Variants in MAN1C1 observed in about 807,000 individuals in gnomAD.
The protein encoded by MAN1C1 is mannosyl-oligosaccharide 1,2-alpha-mannosidase IC.
In MAN1C1, 49 loss-of-function variants were observed where a neutral mutation model predicts 71.5. That is an observed-to-expected ratio of 0.69 (90% confidence interval 0.54 to 0.87). The LOEUF (loss-of-function observed/expected upper bound fraction) is 0.87, where lower values mean the gene tolerates loss of function less well. Among genes scored for constraint, MAN1C1 ranks in the 40% least tolerant of loss-of-function variants. MAN1C1 has a pLI of 0.00. For synonymous variants in MAN1C1, 352 were observed against 343.7 expected (o/e 1.02, Z -0.27); for missense variants, 743 against 835.0 (o/e 0.89, Z 1.36).
rs1246843952 is a variant in MAN1C1 at position 25,778,856 on chromosome 1, C to CCACCACT, written c.1477+540_1477+546dup. 6.6e-6 allele frequency among the ~76,000 whole-genome samples: 1 copy of CCACCACT among 152,182 alleles called. No homozygotes were observed. Among genetic ancestry groups the CCACCACT allele is most frequent in the Non-Finnish European group, 1.5e-5 (1 of 68,038 alleles). The stretch of plus-strand genomic sequence containing the variant: ...AGCCTGAGAGCTTGGTCCTCCCCAC[C>CCACCACT]CACCACTCACCACTGAATTGTCCGA... On this transcript the variant is annotated intron_variant, in intron 9 of 11. Transcript: ENST00000374332. This position sits in a 1 kb window ranked among gnomAD's most constrained non-coding sequence, Gnocchi z 5.5.
rs1342226135 is a variant in MAN1C1 at position 25,753,326 on chromosome 1, G to A, written c.835-158G>A. Among the ~76,000 whole-genome samples, 3 of 152,176 alleles carry A rather than the reference G, an allele frequency of 2.0e-5. No individual in the cohort carries two copies. Among genetic ancestry groups the A allele is most frequent in the South Asian group, 2.1e-4 (1 of 4,826 alleles). ...TCAGAAGTACCTTGCCAAAGTCCAC[G>A]TGGCCAGCAGTTGGAAGAACCGGGC... On this transcript the variant is annotated intron_variant, in intron 4 of 11. Transcript: ENST00000374332. The surrounding 1 kb of genome is among the most constrained non-coding windows in gnomAD (Gnocchi z 4.9).
intron 7 of MAN1C1, among the ~76,000 whole-genome samples, chr1:25,768,785 A>T: frequency 9.9e-6 from 1 of 100,660 alleles, no homozygotes; most frequent in South Asian, 3.5e-4. Flanking sequence ...CCTCACACAT[A>T]CACACATTAC....
chr1:25,644,967 G>C (rs12144097), intron 1 of MAN1C1: 4,154 of 152,266 alleles, frequency 0.027, 88 homozygotes, highest in Non-Finnish European at 0.039. Context: ...CCAGAGGTTG[G>C]GGGAGAAGGT....
At chr1:25,745,597 C>G (rs1572190099) in intron 2 of MAN1C1, among the ~76,000 whole-genome samples, 1 of 152,202 alleles carries the variant, frequency 6.6e-6, no homozygotes, top group East Asian at 1.9e-4. Flanking sequence ...AGGTCGACCT[C>G]ACCTGCGTGG....
At chr1:25,636,251 G>T (rs930783373) in intron 1 of MAN1C1, among the ~76,000 whole-genome samples, 5 of 152,106 alleles carry the variant, frequency 3.3e-5, no homozygotes, top group Non-Finnish European at 7.4e-5. Flanking sequence ...GCAGAGAACC[G>T]GTCTGACCAC....
intron 1 of MAN1C1, among the ~76,000 whole-genome samples, chr1:25,626,459 C>T (rs550091281): frequency 5.3e-5 from 8 of 151,802 alleles, no homozygotes; most frequent in Admixed American, 3.9e-4. Context: ...CCTGGGTTCA[C>T]GCCATTCTCC....
At chr1:25,742,100 C>A (rs1282665685) in intron 2 of MAN1C1, among the ~76,000 whole-genome samples, 2 of 152,188 alleles carry the variant, frequency 1.3e-5, no homozygotes, top group Non-Finnish European at 2.9e-5. Flanking sequence ...CTAGTGGAAC[C>A]AGTTCAGGCT....
At chr1:25,693,064 T>C (rs771270521) in intron 2 of MAN1C1, among the ~76,000 whole-genome samples, 19 of 152,194 alleles carry the variant, frequency 1.2e-4, no homozygotes, top group African/African-American at 3.6e-4. Context: ...CTTAACTGCT[T>C]ATTAGCCTAC....
intron 2 of MAN1C1, among the ~76,000 whole-genome samples, chr1:25,706,111 C>T (rs2046517943): frequency 6.6e-6 from 1 of 152,120 alleles, no homozygotes; most frequent in Non-Finnish European, 1.5e-5. Context: ...CTCTCTGACC[C>T]CAGAAGCTTC....
rs1572096108 is a variant in MAN1C1 at position 25,617,586 on chromosome 1, A to T, written c.-212A>T. ...CGCTCCGCTCGCCCGGGCCCCGCCG[A>T]GGCCGCTGCGCCCCCGCCTCCTCGC... On this transcript the variant is annotated 5_prime_UTR_variant, in exon 1 of 12. Coordinates refer to ENST00000374332, the MANE Select transcript of MAN1C1 (RefSeq NM_020379.4). The surrounding 1 kb of genome is among the most constrained non-coding windows in gnomAD (Gnocchi z 5.1). 4 of 438,576 alleles carry T rather than the reference A, an allele frequency of 9.1e-6. No individual in the cohort carries two copies. The East Asian group carries it at 1.3e-4, about 14-fold the overall frequency. The allele number at this position is 438,576 out of a possible 1,614,324, so 27.2% of individuals were successfully genotyped here.
chr1:25,744,276 T>C (rs2047098979), intron 2 of MAN1C1, among the ~76,000 whole-genome samples: 1 of 152,154 alleles, frequency 6.6e-6, no homozygotes, highest in South Asian at 2.1e-4. Flanking sequence ...GGCCAGGAAC[T>C]CTGTTCAGCC....
At chr1:25,637,827 C>T (rs1181430648) in intron 1 of MAN1C1, among the ~76,000 whole-genome samples, 1 of 151,952 alleles carries the variant, frequency 6.6e-6, no homozygotes, top group Non-Finnish European at 1.5e-5. Flanking sequence ...TCTTTGTTTG[C>T]AGTATATTTT....
At position 25,784,189 on chromosome 1, in the gene MAN1C1, A is replaced by C; in HGVS notation, c.*400A>C. On this transcript the variant is annotated 3_prime_UTR_variant, in exon 12 of 12. Coordinates refer to ENST00000374332, the MANE Select transcript of MAN1C1 (RefSeq NM_020379.4). ...TCACAATTACACATATAGTTTTCAA[A>C]ATCATGCACTTTCTAAAATGGTGTC... 1 of 160,176 alleles carries C rather than the reference A, an allele frequency of 6.2e-6. No homozygotes were observed. Among genetic ancestry groups the C allele is most frequent in the African/African-American group, 2.4e-5 (1 of 41,846 alleles). The allele number at this position is 160,176 out of a possible 1,614,324, so 9.9% of individuals were successfully genotyped here. A position where few individuals can be genotyped will look rare whatever the true frequency, so the allele number is the denominator to read the frequency against.
At chr1:25,633,077 A>G (rs2045407741) in intron 1 of MAN1C1, among the ~76,000 whole-genome samples, 1 of 152,158 alleles carries the variant, frequency 6.6e-6, no homozygotes, top group African/African-American at 2.4e-5. Flanking sequence ...CATGTTGGCC[A>G]GGATGGTCTT....
intron 2 of MAN1C1, among the ~76,000 whole-genome samples, chr1:25,732,736 T>C (rs2046926571): frequency 6.6e-6 from 1 of 152,248 alleles, no homozygotes; most frequent in East Asian, 1.9e-4. Flanking sequence ...AGCTAAGCTA[T>C]CCCAGCAACT....
chr1:25,708,424 T>C (rs950089343), intron 2 of MAN1C1, among the ~76,000 whole-genome samples: 1 of 152,210 alleles, frequency 6.6e-6, no homozygotes, highest in Non-Finnish European at 1.5e-5. Flanking sequence ...ATCTTGGTTT[T>C]TGTGGGCTTT....
At chr1:25,643,629 C>T (rs1414307327) in intron 1 of MAN1C1, among the ~76,000 whole-genome samples, 10 of 145,318 alleles carry the variant, frequency 6.9e-5, no homozygotes, top group South Asian at 2.2e-4. Context: ...CTCAGCTTCC[C>T]GAGTAGCTGG....
intron 1 of MAN1C1, among the ~76,000 whole-genome samples, chr1:25,630,848 C>T (rs2045368399): frequency 6.6e-6 from 1 of 152,216 alleles, no homozygotes; most frequent in African/African-American, 2.4e-5. Flanking sequence ...GTCATATCAT[C>T]TGTGAACAGT....
At chr1:25,674,500 A>ATTT (rs2046037249) in intron 1 of MAN1C1, among the ~76,000 whole-genome samples, 1 of 152,216 alleles carries the variant, frequency 6.6e-6, no homozygotes, top group Non-Finnish European at 1.5e-5. Context: ...CTAATGTAAA[A>ATTT]TTTTGACTTT....
Sources: allele counts gnomAD v4.1 joint callset (sites outside exome capture counted in the v4.1 genomes callset), GRCh38; gene constraint gnomAD v4.1.1; non-coding constraint Gnocchi (gnomAD v3.1); transcripts MANE v1.5; gene names NCBI Gene and HGNC (gene_info 2026-07-23, HGNC 2026-07-21).